The following RAPH1 variants were observed in gnomAD, a reference collection of about 807,000 sequenced individuals.
RAPH1 encodes the protein Ras association (RalGDS/AF-6) and pleckstrin homology domains 1.
Under a neutral mutation model 88.1 loss-of-function variants are expected in RAPH1, and 18 were observed. The observed-to-expected ratio is 0.20, with a 90% confidence interval of 0.14 to 0.30. The LOEUF (loss-of-function observed/expected upper bound fraction) is 0.30. RAPH1 is among the 10% of genes least tolerant of loss of function. RAPH1 has a pLI of 1.00. For missense variants in RAPH1, 1,448 were observed against 1,543.2 expected (o/e 0.94, Z 1.03); for synonymous variants, 587 against 559.0 (o/e 1.05, Z -0.71).
intron 4 of RAPH1, among the ~76,000 whole-genome samples, chr2:203,478,764 C>T (rs890645724): frequency 1.3e-5 from 2 of 152,232 alleles, no homozygotes; most frequent in South Asian, 2.1e-4. Flanking sequence ...TCTGGGATTA[C>T]AGGCGTGAGC....
chr2:203,482,094 T>G (rs888808280), intron 4 of RAPH1, among the ~76,000 whole-genome samples: 2 of 151,666 alleles, frequency 1.3e-5, no homozygotes, highest in East Asian at 1.9e-4. Flanking sequence ...ATTGGGGGGG[T>G]TTATTTGAAA....
chr2:203,489,805 C>G lies in RAPH1; in HGVS notation c.511G>C (p.Ala171Pro). Reference protein sequence around the residue: ...EQASLSMDEAAQQSVLEDTKP... With the variant: ...EQASLSMDEAPQQSVLEDTKP... ...GTATCTTCTAGTACAGATTGCTGAG[C>G]AGCCTCATCCATACTCAAAGAGGCC... The change falls in exon 4 of 14, where the codon GCT (alanine) becomes CCT (proline). Residue 171 changes from alanine to proline, a missense_variant. Around this residue, in one of 2 missense-constraint regions of RAPH1, gnomAD observed 513 missense variants for 653.1 expected, o/e 0.79. Transcript: ENST00000319170. 1 of 1,614,220 alleles carries G rather than the reference C, an allele frequency of 6.2e-7. No homozygotes were observed. Among genetic ancestry groups the G allele is most frequent in the South Asian group, 1.1e-5 (1 of 91,082 alleles).
rs753607155 is a variant in RAPH1 at position 203,439,571 on chromosome 2, G to A, written c.3619C>T (p.Pro1207Ser). The change falls in exon 14 of 14, where the codon CCT becomes TCT. Residue 1207 changes from proline to serine, a missense_variant. Transcript: ENST00000319170. ...TTCTGTTGATCAGACAGCAGTTCAG[G>A]GGGTGGTGGAGGCAATGCCATATCA... Reference protein sequence around the residue: ...MDDMALPPPPPELLSDQQKAG... With the variant: ...MDDMALPPPPSELLSDQQKAG... 6.2e-7 allele frequency: 1 copy of A among 1,614,148 alleles called. No homozygotes were observed. Among genetic ancestry groups the A allele is most frequent in the African/African-American group, 1.3e-5 (1 of 75,044 alleles).
chr2:203,491,099 G>T, intron 3 of RAPH1, 115 bp downstream of exon 3: 1 of 521,324 alleles, frequency 1.9e-6, no homozygotes, highest in Non-Finnish European at 3.3e-6. Flanking sequence ...GAACTTGGTC[G>T]AGTTATGCAT....
In RAPH1 at chr2:203,440,846, G is replaced by A. The variant is rs2098503054; in HGVS notation, c.2344C>T (p.Leu782Phe). The A allele has an allele frequency of 6.4e-6, 10 of 1,560,384 alleles. No individual in the cohort carries two copies. The highest frequency in any genetic ancestry group is 7.8e-6 in the Non-Finnish European group (9 of 1,150,270). ...CTGGTTGGTGCGGGGATGGTCACAA[G>A]GGGTTTTGGGGGAGCTTGGGGAGGG... ...PLPPQAPPKP[L>F]VTIPAPTSTK... is the part of the protein sequence containing the mutation. The change falls in exon 14 of 14, where the codon CTT becomes TTT. Residue 782 changes from leucine to phenylalanine, a missense_variant. Leu to Phe is a conservative substitution (Grantham distance 22). Transcript: ENST00000319170.
intron 1 of RAPH1, among the ~76,000 whole-genome samples, chr2:203,522,869 C>A (rs1689950315): frequency 7.4e-6 from 1 of 135,812 alleles, no homozygotes. Flanking sequence ...GCACTCTAGC[C>A]TGGGCAACAG....
At position 203,455,578 on chromosome 2, in the gene RAPH1, T is replaced by C; in HGVS notation, c.1161A>G (p.Glu387=). The change falls in exon 9 of 14, where the codon GAA becomes GAG. Residue 387 remains glutamate (E), a splice_region_variant and synonymous_variant. Transcript: ENST00000319170. ...CAGTTACAGAACTTCCACAAAAACA[T>C]TCCTAAAATAACAAGATTATTTGCA... is the stretch of plus-strand genomic sequence containing the variant. ...ADRNKEVLLE[E]CFCGSSVTVP... 1.2e-6 allele frequency: 2 copies of C among 1,611,038 alleles called. No individual in the cohort carries two copies. Among genetic ancestry groups the C allele is most frequent in the Non-Finnish European group, 1.7e-6 (2 of 1,178,868 alleles).
At chr2:203,461,990 T>C in intron 4 of RAPH1, 65 bp from the exon 5 acceptor site, 1 of 1,361,940 alleles carries the variant, frequency 7.3e-7, no homozygotes. Context: ...AAATCTTTTT[T>C]ATCCTTAAGG....
intron 4 of RAPH1, among the ~76,000 whole-genome samples, chr2:203,480,478 G>A (rs1005585439): frequency 1.3e-5 from 2 of 152,182 alleles, no homozygotes; most frequent in Non-Finnish European, 2.9e-5. Context: ...AACCCAGGAG[G>A]TGGAGGCTGC....
intron 1 of RAPH1, among the ~76,000 whole-genome samples, chr2:203,497,997 C>T (rs1688591394): frequency 6.6e-6 from 1 of 152,080 alleles, no homozygotes; most frequent in Admixed American, 6.5e-5. Context: ...GCAGTAATAG[C>T]CAGTTTTCAT....
chr2:203,480,501 T>C (rs1160274779), intron 4 of RAPH1, among the ~76,000 whole-genome samples: 1 of 152,054 alleles, frequency 6.6e-6, no homozygotes, highest in Non-Finnish European at 1.5e-5. Flanking sequence ...TGAGCTGAGA[T>C]TGCACCACTG....
chr2:203,435,258 C>T lies in RAPH1; in HGVS notation c.*4179G>A, dbSNP rs1015100049. The T allele has an allele frequency of 2.6e-5, 4 of 151,564 alleles. No homozygotes were observed. The highest frequency in any genetic ancestry group is 5.9e-5 in the Non-Finnish European group (4 of 68,000). 9.4% of individuals were successfully genotyped at this position (151,564 alleles called of 1,614,324 possible). On this transcript the variant is annotated 3_prime_UTR_variant, in exon 14 of 14. Coordinates refer to ENST00000319170, the MANE Select transcript of RAPH1 (RefSeq NM_213589.3). ...GAATTTTATAAGGAAAGGCTGGGTA[C>T]AGTGGCTCATGCCTGTAATCTCAGC...
intron 13 of RAPH1, chr2:203,441,678 T>A: frequency 7.6e-7 from 1 of 1,307,644 alleles, no homozygotes; most frequent in Non-Finnish European, 9.7e-7. Flanking sequence ...AATGTCCGGC[T>A]GCAAAAGCTG....
intron 1 of RAPH1, among the ~76,000 whole-genome samples, chr2:203,526,248 T>A (rs1393115333): frequency 1.3e-5 from 2 of 152,184 alleles, no homozygotes; most frequent in Non-Finnish European, 2.9e-5. Flanking sequence ...TATTACTGTA[T>A]GTGTTGAAAA....
intron 13 of RAPH1, chr2:203,442,126 A>T: frequency 6.4e-7 from 1 of 1,551,246 alleles, no homozygotes; most frequent in South Asian, 1.2e-5. Flanking sequence ...ATAGCAAAAG[A>T]CTGTAAAAAT....
In RAPH1 at chr2:203,489,632, T is replaced by G. The variant is rs1688152115; in HGVS notation, c.684A>C (p.Thr228=). The change falls in exon 4 of 14, where the codon ACA becomes ACC. Residue 228 remains threonine (T), a synonymous_variant. Coordinates refer to ENST00000319170, the MANE Select transcript of RAPH1 (RefSeq NM_213589.3). ...GTGTCAAATCCAGCTCTTGAGGGCGTGTTACTTTATCAATATCCAAAGAGT... is the reference window on the plus strand; with the variant it reads ...GTGTCAAATCCAGCTCTTGAGGGCGGGTTACTTTATCAATATCCAAAGAGT... ...SMDSLDIDKV[T]RPQELDLTHQ... 6.2e-7 allele frequency: 1 copy of G among 1,611,720 alleles called. No homozygotes were observed. Among genetic ancestry groups the G allele is most frequent in the African/African-American group, 1.3e-5 (1 of 75,016 alleles).
chr2:203,459,770 T>C (rs1237901496), intron 7 of RAPH1, 137 bp downstream of exon 7: 14 of 856,852 alleles, frequency 1.6e-5, no homozygotes, highest in Non-Finnish European at 2.4e-5. Flanking sequence ...CAGTAGTAGA[T>C]GATGCTCCTA....
At chr2:203,497,128 G>T (rs1688551177) in intron 1 of RAPH1, among the ~76,000 whole-genome samples, 1 of 152,288 alleles carries the variant, frequency 6.6e-6, no homozygotes, top group South Asian at 2.1e-4. Context: ...TTTTATAAAA[G>T]AGATTTCATG....
chr2:203,524,703 CG>C (rs2105981348), intron 1 of RAPH1, among the ~76,000 whole-genome samples: 1 of 151,984 alleles, frequency 6.6e-6, no homozygotes, highest in Non-Finnish European at 1.5e-5. Flanking sequence ...GACAGATTGC[CG>C]TAAGACAGGG....
Sources: allele counts gnomAD v4.1 joint callset (sites outside exome capture counted in the v4.1 genomes callset), GRCh38; gene constraint gnomAD v4.1.1; regional missense constraint gnomAD v4.1.1; transcripts MANE v1.5; gene names NCBI Gene and HGNC (gene_info 2026-07-23, HGNC 2026-07-21).